Variants in SGCZ observed in about 807,000 individuals in gnomAD.
SGCZ encodes the protein sarcoglycan zeta.
A neutral mutation model predicts 41.3 loss-of-function variants in SGCZ; 40 were observed. The ratio of observed to expected loss-of-function variants is 0.97; its 90% CI spans 0.75 to 1.26. The LOEUF is 1.26. Ranked by LOEUF, SGCZ falls within the 50% of genes most tolerant of loss-of-function variation. The probability of loss-of-function intolerance (pLI) is 0.00; values close to 1 mark genes in which losing one functional copy is unlikely to be tolerated. For missense variants in SGCZ, 552 were observed against 369.8 expected (o/e 1.49, Z -4.04); for synonymous variants, 206 against 137.5 (o/e 1.50, Z -3.49).
chr8:14,767,033 C>G (rs1281559820), intron 1 of SGCZ, among the ~76,000 whole-genome samples: 1 of 151,542 alleles, frequency 6.6e-6, no homozygotes, highest in Non-Finnish European at 1.5e-5. Flanking sequence ...AGTTAGATGT[C>G]TACACAATTA....
intron 1 of SGCZ, among the ~76,000 whole-genome samples, chr8:15,164,911 G>A (rs1303601384): frequency 1.3e-5 from 2 of 152,014 alleles, no homozygotes; most frequent in Non-Finnish European, 2.9e-5. Context: ...ATACCTGCAT[G>A]TTTTCCCAGC....
At chr8:14,834,008 A>C (rs1432727191) in intron 1 of SGCZ, among the ~76,000 whole-genome samples, 1 of 152,188 alleles carries the variant, frequency 6.6e-6, no homozygotes. Flanking sequence ...TAATTCCTAA[A>C]ATAGTATAAT....
intron 1 of SGCZ, among the ~76,000 whole-genome samples, chr8:14,643,336 T>C (rs552770916): frequency 2.0e-5 from 3 of 151,756 alleles, no homozygotes; most frequent in Non-Finnish European, 1.5e-5. Context: ...TGAAATGTCA[T>C]CTATTAGAGA....
At chr8:14,410,165 A>G (rs868668528) in intron 2 of SGCZ, among the ~76,000 whole-genome samples, 5 of 152,254 alleles carry the variant, frequency 3.3e-5, no homozygotes, top group Middle Eastern at 3.4e-3. Context: ...CCTTATGATA[A>G]TCTAACAAAT....
intron 1 of SGCZ, among the ~76,000 whole-genome samples, chr8:14,724,419 G>A (rs1235011420): frequency 6.6e-6 from 1 of 151,266 alleles, no homozygotes; most frequent in Admixed American, 6.6e-5. Context: ...GAGCTTTCAT[G>A]GTATACTGCA....
intron 4 of SGCZ, among the ~76,000 whole-genome samples, chr8:14,183,634 A>G (rs137958435): frequency 2.8e-4 from 43 of 152,308 alleles, no homozygotes; most frequent in African/African-American, 9.4e-4. Context: ...AAATTGTTTC[A>G]CAAAATTTAA....
At chr8:15,174,339 G>A (rs935683614) in intron 1 of SGCZ, among the ~76,000 whole-genome samples, 1 of 152,086 alleles carries the variant, frequency 6.6e-6, no homozygotes, top group African/African-American at 2.4e-5. Flanking sequence ...TGTTTGGGTT[G>A]TTTCCATGTT....
intron 1 of SGCZ, among the ~76,000 whole-genome samples, chr8:14,765,004 T>C (rs1481434001): frequency 1.3e-5 from 2 of 152,330 alleles, no homozygotes; most frequent in Non-Finnish European, 2.9e-5. Flanking sequence ...CTTTAAATTA[T>C]TTTCAAAACA....
intron 4 of SGCZ, among the ~76,000 whole-genome samples, chr8:14,230,492 G>C (rs181908832): frequency 1.3e-5 from 2 of 152,034 alleles, no homozygotes; most frequent in Non-Finnish European, 2.9e-5. Flanking sequence ...ATGTACATAA[G>C]GTCACATAGC....
At chr8:14,401,414 T>TC (rs1799070933) in intron 2 of SGCZ, among the ~76,000 whole-genome samples, 1 of 144,428 alleles carries the variant, frequency 6.9e-6, no homozygotes, top group Admixed American at 6.9e-5. Context: ...ATTAGGTATA[T>TC]CTCCTAAAGC....
intron 1 of SGCZ, among the ~76,000 whole-genome samples, chr8:14,929,020 C>G (rs1346254853): frequency 6.6e-6 from 1 of 152,080 alleles, no homozygotes; most frequent in Non-Finnish European, 1.5e-5. Context: ...CAGACAGAGT[C>G]TCACTCTGTT....
chr8:15,123,500 G>A (rs973329000), intron 1 of SGCZ, among the ~76,000 whole-genome samples: 1 of 152,132 alleles, frequency 6.6e-6, no homozygotes, highest in African/African-American at 2.4e-5. Flanking sequence ...AATTTACATA[G>A]TTCAGACACA....
At chr8:14,631,896 G>C (rs1369644752) in intron 1 of SGCZ, among the ~76,000 whole-genome samples, 1 of 152,060 alleles carries the variant, frequency 6.6e-6, no homozygotes, top group Non-Finnish European at 1.5e-5. Context: ...ATAATACTAA[G>C]ATTGGAACAA....
chr8:14,345,558 C>G (rs977650818), intron 2 of SGCZ, among the ~76,000 whole-genome samples: 2 of 152,110 alleles, frequency 1.3e-5, no homozygotes, highest in Non-Finnish European at 1.5e-5. Flanking sequence ...AGAGGTCTCC[C>G]TAATCTCCAT....
At chr8:14,425,529 G>A (rs976100289) in intron 2 of SGCZ, among the ~76,000 whole-genome samples, 1 of 151,924 alleles carries the variant, frequency 6.6e-6, no homozygotes, top group African/African-American at 2.4e-5. Context: ...GCTGAGGCAG[G>A]AGAACTGCTT....
At chr8:14,823,053 C>CAAAAAAAAAAAAA (rs1287129558) in intron 1 of SGCZ, among the ~76,000 whole-genome samples, 1 of 69,374 alleles carries the variant, frequency 1.4e-5, no homozygotes, top group African/African-American at 1.1e-4. Flanking sequence ...CACCAATCCT[C>CAAAAAAAAAAAAA]ATAAAAAAAA....
chr8:14,255,605 T>G (rs1799435099), intron 3 of SGCZ, among the ~76,000 whole-genome samples: 2 of 152,030 alleles, frequency 1.3e-5, no homozygotes, highest in African/African-American at 2.4e-5. Context: ...AATTAAAAAT[T>G]TAAAAAATAT....
intron 2 of SGCZ, among the ~76,000 whole-genome samples, chr8:14,398,104 A>G (rs1283253104): frequency 6.6e-6 from 1 of 152,104 alleles, no homozygotes; most frequent in African/African-American, 2.4e-5. Flanking sequence ...AATTGACATC[A>G]AGTAGTCTAG....
intron 1 of SGCZ, among the ~76,000 whole-genome samples, chr8:14,815,357 G>T (rs1040340735): frequency 1.3e-5 from 2 of 148,490 alleles, no homozygotes; most frequent in Non-Finnish European, 3.0e-5. Flanking sequence ...TATTACATTT[G>T]CCAGTTTTTC....
Sources: gnomAD v4.1 joint callset for allele counts (sites outside exome capture counted in the v4.1 genomes callset) on GRCh38, gnomAD v4.1.1 for gene constraint, MANE v1.5 for transcripts, NCBI Gene and HGNC (gene_info 2026-07-23, HGNC 2026-07-21) for gene names.